The following NCAM1 variants were observed in gnomAD, a reference collection of about 807,000 sequenced individuals.
NCAM1 encodes the protein antigen recognized by monoclonal antibody 5.1H11.
In NCAM1, 14 loss-of-function variants were observed where a neutral mutation model predicts 109.8. That is an observed-to-expected ratio of 0.13 (90% confidence interval 0.08 to 0.20). The LOEUF (loss-of-function observed/expected upper bound fraction) is 0.20, where lower values mean the gene tolerates loss of function less well. Among genes scored for constraint, NCAM1 ranks in the 10% least tolerant of loss-of-function variants. The probability of loss-of-function intolerance (pLI) is 1.00; values close to 1 mark genes in which losing one functional copy is unlikely to be tolerated. For missense variants in NCAM1, 774 were observed against 1,109.9 expected (o/e 0.70, Z 4.30); for synonymous variants, 418 against 442.9 (o/e 0.94, Z 0.70).
At chr11:113,057,438 C>T (rs1208779138) in intron 1 of NCAM1, among the ~76,000 whole-genome samples, 4 of 151,464 alleles carry the variant, frequency 2.6e-5, no homozygotes, top group African/African-American at 9.7e-5. Context: ...GCAAAGGGGA[C>T]CATGGAAGAA....
At chr11:112,970,100 A>G (rs1269424498) in intron 1 of NCAM1, among the ~76,000 whole-genome samples, 1 of 152,156 alleles carries the variant, frequency 6.6e-6, no homozygotes, top group African/African-American at 2.4e-5. Flanking sequence ...GCTATTGAAG[A>G]GCAGTTAAAG....
intron 3 of NCAM1, 124 bp downstream of exon 3, chr11:113,204,628 TC>T: frequency 3.2e-6 from 3 of 950,332 alleles, no homozygotes; most frequent in South Asian, 1.7e-5. Context: ...CCATTCTCTC[TC>T]CCTAAGTCTT....
chr11:112,995,848 C>T (rs1951579982), intron 1 of NCAM1, among the ~76,000 whole-genome samples: 1 of 152,186 alleles, frequency 6.6e-6, no homozygotes, highest in South Asian at 2.1e-4. Flanking sequence ...TGACCCATGT[C>T]TGTTTCTGTT....
intron 1 of NCAM1, among the ~76,000 whole-genome samples, chr11:113,102,706 A>C (rs1377947522): frequency 6.6e-6 from 1 of 152,242 alleles, no homozygotes; most frequent in African/African-American, 2.4e-5. Flanking sequence ...AAACGTGAGC[A>C]ACGTAGACCA....
intron 1 of NCAM1, among the ~76,000 whole-genome samples, chr11:113,108,767 G>A (rs1460602914): frequency 6.9e-6 from 1 of 145,120 alleles, no homozygotes; most frequent in South Asian, 2.2e-4. Context: ...TACATCCCTT[G>A]AAGGTTTTTT....
intron 1 of NCAM1, among the ~76,000 whole-genome samples, chr11:113,036,842 G>T (rs1555079251): frequency 6.6e-6 from 1 of 152,096 alleles, no homozygotes; most frequent in African/African-American, 2.4e-5. Context: ...GGTCCCGGGG[G>T]CACCCACATC....
At chr11:113,082,452 G>A (rs1438973318) in intron 1 of NCAM1, among the ~76,000 whole-genome samples, 4 of 152,148 alleles carry the variant, frequency 2.6e-5, no homozygotes, top group Non-Finnish European at 2.9e-5. Flanking sequence ...AATTTTTGTC[G>A]TATCACCATA....
chr11:113,256,271 A>C (rs1289095436), intron 16 of NCAM1, among the ~76,000 whole-genome samples: 2 of 152,124 alleles, frequency 1.3e-5, no homozygotes, highest in African/African-American at 4.8e-5. Context: ...TGTGTCTTGA[A>C]CTTTTCTACA....
chr11:113,140,412 T>A (rs1473781347), intron 1 of NCAM1, among the ~76,000 whole-genome samples: 3 of 152,218 alleles, frequency 2.0e-5, no homozygotes, highest in Non-Finnish European at 4.4e-5. Flanking sequence ...TCCAGCATTA[T>A]GAAGTGAAGC....
intron 1 of NCAM1, among the ~76,000 whole-genome samples, chr11:113,022,226 G>C (rs1162552963): frequency 6.6e-6 from 1 of 152,140 alleles, no homozygotes; most frequent in Non-Finnish European, 1.5e-5. Context: ...CTAATTCTGT[G>C]GTTCATGGTT....
At chr11:113,107,497 A>G (rs527963803) in intron 1 of NCAM1, among the ~76,000 whole-genome samples, 1 of 152,268 alleles carries the variant, frequency 6.6e-6, no homozygotes, top group South Asian at 2.1e-4. Context: ...TGGGTACTTT[A>G]TAAAGAAAAA....
chr11:113,085,758 T>G (rs894165856), intron 1 of NCAM1, among the ~76,000 whole-genome samples: 6 of 152,320 alleles, frequency 3.9e-5, no homozygotes, highest in African/African-American at 1.4e-4. Flanking sequence ...GCTCACTCTT[T>G]ATCATCCTGC....
chr11:113,226,206 C>A (rs1208125764), intron 9 of NCAM1, among the ~76,000 whole-genome samples: 1 of 152,182 alleles, frequency 6.6e-6, no homozygotes. Context: ...TGCAGAGACA[C>A]ACAGGCTCAA....
intron 1 of NCAM1, among the ~76,000 whole-genome samples, chr11:113,022,259 T>C (rs1555076384): frequency 6.6e-6 from 1 of 152,236 alleles, no homozygotes; most frequent in African/African-American, 2.4e-5. Flanking sequence ...CTTTTGTAGT[T>C]CTCAGAGATA....
intron 4 of NCAM1, 127 bp from the exon 5 acceptor site, chr11:113,205,916 T>G (rs957849343): frequency 1.6e-6 from 2 of 1,258,002 alleles, no homozygotes; most frequent in African/African-American, 3.0e-5. Flanking sequence ...AGGGACGCAT[T>G]TTCTTATTTG....
chr11:113,249,854 C>T (rs1454914614), intron 15 of NCAM1, among the ~76,000 whole-genome samples: 2 of 152,164 alleles, frequency 1.3e-5, no homozygotes, highest in Non-Finnish European at 2.9e-5. Context: ...CTGCCATTTG[C>T]CACCGTACCC....
At chr11:113,034,343 C>T (rs7128322) in intron 1 of NCAM1, among the ~76,000 whole-genome samples, 1,526 of 152,124 alleles carry the variant, frequency 0.01, 25 homozygotes, top group African/African-American at 0.034. Context: ...AAAAGAAAAC[C>T]CTAAATGCTT....
intron 1 of NCAM1, among the ~76,000 whole-genome samples, chr11:113,155,469 A>G (rs1555103304): frequency 6.6e-6 from 1 of 151,916 alleles, no homozygotes; most frequent in Non-Finnish European, 1.5e-5. Flanking sequence ...AGATCATGCC[A>G]TTGCACTCCA....
intron 1 of NCAM1, among the ~76,000 whole-genome samples, chr11:113,148,398 A>C (rs1364758950): frequency 9.3e-6 from 1 of 107,888 alleles, no homozygotes; most frequent in East Asian, 2.7e-4. Context: ...TTTTCTTTTT[A>C]AGTTAACTAG....
Sources: gnomAD v4.1 joint callset for allele counts (sites outside exome capture counted in the v4.1 genomes callset) on GRCh38, gnomAD v4.1.1 for gene constraint, MANE v1.5 for transcripts, NCBI Gene and HGNC (gene_info 2026-07-23, HGNC 2026-07-21) for gene names.